The following GALNTL6 variants were observed in gnomAD, a reference collection of about 807,000 sequenced individuals.
The protein encoded by GALNTL6 is polypeptide N-acetylgalactosaminyltransferase-like 6.
GALNTL6 carries 46 observed loss-of-function variants against 73.7 expected under a neutral mutation model. The ratio of observed to expected loss-of-function variants is 0.62; its 90% CI spans 0.49 to 0.80. GALNTL6 has a LOEUF of 0.80. GALNTL6 is among the 30% of genes least tolerant of loss of function. The pLI, the probability that GALNTL6 is intolerant of heterozygous loss-of-function variation, is 0.00. For synonymous variants in GALNTL6, 259 were observed against 263.7 expected, an observed-to-expected ratio of 0.98 and a Z score of 0.17; for missense variants, 604 against 755.0, an observed-to-expected ratio of 0.80 and a Z score of 2.34.
chr4:172,036,456 A>G (rs1002985065), intron 2 of GALNTL6, among the ~76,000 whole-genome samples: 1 of 152,126 alleles, frequency 6.6e-6, no homozygotes, highest in African/African-American at 2.4e-5. Context: ...ATCTCATTGT[A>G]TTCTCCCAAA....
chr4:171,838,426 G>A (rs1436722884), intron 2 of GALNTL6, among the ~76,000 whole-genome samples: 1 of 151,974 alleles, frequency 6.6e-6, no homozygotes, highest in East Asian at 1.9e-4. Context: ...CCCAGCCTCT[G>A]TCTTTGCTTT....
At chr4:172,483,354 A>T (rs146059567) in intron 5 of GALNTL6, among the ~76,000 whole-genome samples, 99 of 152,304 alleles carry the variant, frequency 6.5e-4, no homozygotes, top group African/African-American at 2.2e-3. Context: ...AACATTGTGA[A>T]GGGAGTGCAG....
At chr4:172,133,815 G>A (rs1280335330) in intron 2 of GALNTL6, among the ~76,000 whole-genome samples, 1 of 152,172 alleles carries the variant, frequency 6.6e-6, no homozygotes, top group Non-Finnish European at 1.5e-5. Context: ...CCATACACAG[G>A]TGACTGCTGA....
chr4:172,830,898 G>A (rs888175155), intron 7 of GALNTL6, among the ~76,000 whole-genome samples: 9 of 152,106 alleles, frequency 5.9e-5, no homozygotes, highest in African/African-American at 2.2e-4. Context: ...AGTAGCGCAC[G>A]CCTGTAATCC....
At chr4:172,970,064 G>T (rs1561062634) in intron 10 of GALNTL6, among the ~76,000 whole-genome samples, 1 of 152,072 alleles carries the variant, frequency 6.6e-6, no homozygotes, top group Non-Finnish European at 1.5e-5. Flanking sequence ...AAAAGGGGAG[G>T]GTGTGTACGA....
intron 2 of GALNTL6, among the ~76,000 whole-genome samples, chr4:171,909,091 A>G (rs532270356): frequency 6.6e-6 from 1 of 151,326 alleles, no homozygotes; most frequent in Non-Finnish European, 1.5e-5. Flanking sequence ...ACATGTATAC[A>G]TATGTAACTA....
At chr4:172,735,689 T>C (rs1221827844) in intron 5 of GALNTL6, among the ~76,000 whole-genome samples, 3 of 152,132 alleles carry the variant, frequency 2.0e-5, no homozygotes, top group Non-Finnish European at 2.9e-5. Context: ...TCATCTTGAA[T>C]TGTAGCTCCC....
chr4:171,964,858 C>G (rs531908460), intron 2 of GALNTL6, among the ~76,000 whole-genome samples: 1 of 152,194 alleles, frequency 6.6e-6, no homozygotes, highest in Non-Finnish European at 1.5e-5. Flanking sequence ...CAGAGGCAGC[C>G]CATACTGATT....
At chr4:172,276,277 C>T (rs28366828) in intron 3 of GALNTL6, among the ~76,000 whole-genome samples, 6 of 152,152 alleles carry the variant, frequency 3.9e-5, no homozygotes, top group African/African-American at 1.4e-4. Flanking sequence ...CCACGGCAGT[C>T]ATTCTGTTAC....
intron 2 of GALNTL6, among the ~76,000 whole-genome samples, chr4:172,098,915 A>T (rs746117206): frequency 1.3e-5 from 2 of 152,200 alleles, no homozygotes; most frequent in Admixed American, 1.3e-4. Flanking sequence ...GGCTGTTGGC[A>T]GACTCTGACA....
chr4:172,801,515 C>T (rs991500350), intron 5 of GALNTL6, among the ~76,000 whole-genome samples: 3 of 151,938 alleles, frequency 2.0e-5, no homozygotes, highest in African/African-American at 7.3e-5. Context: ...AGGTATTGCC[C>T]ACATAACTTT....
chr4:172,522,675 C>T (rs906043606), intron 5 of GALNTL6, among the ~76,000 whole-genome samples: 2 of 63,872 alleles, frequency 3.1e-5, no homozygotes, highest in East Asian at 7.6e-4. Flanking sequence ...TCCCCCCCCC[C>T]CCCAAAAAAA....
At chr4:171,824,077 T>TTATATATATATA (rs3080307) in intron 2 of GALNTL6, among the ~76,000 whole-genome samples, 2,304 of 128,820 alleles carry the variant, frequency 0.018, 42 homozygotes, top group South Asian at 0.035. Flanking sequence ...CAAATCCATT[T>TTATATATATATA]TATATATATA....
At chr4:171,898,879 A>G (rs1737001646) in intron 2 of GALNTL6, among the ~76,000 whole-genome samples, 1 of 152,058 alleles carries the variant, frequency 6.6e-6, no homozygotes, top group Non-Finnish European at 1.5e-5. Context: ...AAAATAAACT[A>G]TGGGGAACAA....
chr4:172,592,437 T>C (rs554858306), intron 5 of GALNTL6, among the ~76,000 whole-genome samples: 26 of 152,254 alleles, frequency 1.7e-4, no homozygotes, highest in African/African-American at 6.0e-4. Flanking sequence ...ACACTGGGGA[T>C]CAAATTTCAA....
chr4:172,108,739 G>A (rs1732761266), intron 2 of GALNTL6, among the ~76,000 whole-genome samples: 1 of 151,964 alleles, frequency 6.6e-6, no homozygotes, highest in African/African-American at 2.4e-5. Flanking sequence ...TTGAATTTGG[G>A]GCTGGGTGCT....
intron 5 of GALNTL6, among the ~76,000 whole-genome samples, chr4:172,430,618 G>T (rs1452333082): frequency 6.6e-6 from 1 of 151,976 alleles, no homozygotes; most frequent in African/African-American, 2.4e-5. Flanking sequence ...GACATAATGA[G>T]ATCGTATCTC....
chr4:172,674,201 C>T (rs1422517705), intron 5 of GALNTL6, among the ~76,000 whole-genome samples: 2 of 152,094 alleles, frequency 1.3e-5, no homozygotes, highest in Non-Finnish European at 2.9e-5. Context: ...TAAAAAGGAT[C>T]TATTTCTCCT....
At chr4:172,767,590 G>T (rs1269806602) in intron 5 of GALNTL6, among the ~76,000 whole-genome samples, 1 of 150,852 alleles carries the variant, frequency 6.6e-6, no homozygotes, top group Non-Finnish European at 1.5e-5. Flanking sequence ...AGTAAAACTA[G>T]AAATGTATAA....
Sources: gnomAD v4.1 joint callset for allele counts (sites outside exome capture counted in the v4.1 genomes callset) on GRCh38, gnomAD v4.1.1 for gene constraint, MANE v1.5 for transcripts, NCBI Gene and HGNC (gene_info 2026-07-23, HGNC 2026-07-21) for gene names.